TEX10: variants seen among roughly 807,000 people sequenced by gnomAD.
TEX10 encodes testis-expressed protein 10.
In TEX10, 24 loss-of-function variants were observed where a neutral mutation model predicts 104.4. The ratio of observed to expected loss-of-function variants is 0.23; its 90% CI spans 0.17 to 0.32. The LOEUF is 0.32. Ranked by LOEUF, TEX10 falls within the 10% of genes least tolerant of loss-of-function variation. TEX10 has a pLI of 1.00. For missense variants in TEX10, 921 were observed against 1,083.9 expected, an observed-to-expected ratio of 0.85 and a Z score of 2.11; for synonymous variants, 396 against 393.4, an observed-to-expected ratio of 1.01 and a Z score of -0.08.
intron 9 of TEX10, among the ~76,000 whole-genome samples, chr9:100,323,846 G>A (rs562589608): frequency 1.3e-5 from 2 of 152,260 alleles, no homozygotes; most frequent in South Asian, 4.1e-4. Flanking sequence ...GAGTAAAGGA[G>A]TATTGCAGAA....
intron 11 of TEX10, 81 bp downstream of exon 11, chr9:100,320,184 G>T: frequency 7.8e-7 from 1 of 1,284,972 alleles, no homozygotes; most frequent in Non-Finnish European, 1.0e-6. Context: ...TCTCACACAA[G>T]GCAACTCATA....
At chr9:100,322,390 C>G (rs1221415382) in intron 9 of TEX10, among the ~76,000 whole-genome samples, 1 of 152,134 alleles carries the variant, frequency 6.6e-6, no homozygotes, top group Non-Finnish European at 1.5e-5. Flanking sequence ...CCTATGAGAT[C>G]AGTTTCTAGT....
chr9:100,304,454 G>A (rs1834093597), intron 13 of TEX10: 1 of 152,782 alleles, frequency 6.5e-6, no homozygotes, highest in African/African-American at 2.4e-5. Flanking sequence ...TTCAACTAAG[G>A]TGACAAAAAC....
At chr9:100,340,474 T>C in intron 4 of TEX10, 105 bp from the exon 5 acceptor site, 1 of 662,500 alleles carries the variant, frequency 1.5e-6, no homozygotes, top group South Asian at 2.0e-5. Flanking sequence ...CCCATCATAA[T>C]TCACTTTCTA....
In TEX10 at chr9:100,330,185, C is replaced by T; in HGVS notation, c.1251-16G>A. 1 of 1,531,320 alleles carries T rather than the reference C, an allele frequency of 6.5e-7. No homozygotes were observed. Among genetic ancestry groups the T allele is most frequent in the Non-Finnish European group, 9.0e-7 (1 of 1,112,124 alleles). 94.9% of individuals were successfully genotyped at this position (1,531,320 alleles called of 1,614,324 possible). ...ATGCTTGATGCTAGAAACAAAGACA[C>T]ACACATCTATAAAGCATTACGTCTA... On this transcript the variant is annotated splice_polypyrimidine_tract_variant and intron_variant, in intron 5 of 14. Transcript: ENST00000374902.
At chr9:100,352,391 C>T (rs1402535307) in intron 1 of TEX10, 1 of 1,551,636 alleles carries the variant, frequency 6.4e-7, no homozygotes, top group East Asian at 2.4e-5. Context: ...CGTATTCGGT[C>T]CTGCATCCAT....
intron 11 of TEX10, among the ~76,000 whole-genome samples, chr9:100,311,452 A>G (rs1834280161): frequency 6.6e-6 from 1 of 152,190 alleles, no homozygotes; most frequent in African/African-American, 2.4e-5. Context: ...TCTGTTTCCT[A>G]AAGAACCTAC....
intron 8 of TEX10, among the ~76,000 whole-genome samples, chr9:100,327,571 A>G (rs1834739380): frequency 6.6e-6 from 1 of 152,074 alleles, no homozygotes; most frequent in African/African-American, 2.4e-5. Flanking sequence ...AAGACAATTT[A>G]AGAATGCAAT....
intron 11 of TEX10, among the ~76,000 whole-genome samples, chr9:100,318,107 C>T (rs1427745417): frequency 6.6e-6 from 1 of 152,152 alleles, no homozygotes; most frequent in Non-Finnish European, 1.5e-5. Context: ...AGCACTCCCA[C>T]TACCAAGTAT....
intron 11 of TEX10, among the ~76,000 whole-genome samples, chr9:100,313,874 A>G (rs891684399): frequency 6.6e-6 from 1 of 151,518 alleles, no homozygotes; most frequent in African/African-American, 2.4e-5. Flanking sequence ...AGACACACAC[A>G]TAGGAACGTA....
intron 3 of TEX10, 142 bp from the exon 4 acceptor site, chr9:100,346,457 T>C (rs1835301104): frequency 2.6e-6 from 3 of 1,136,184 alleles, no homozygotes; most frequent in South Asian, 1.8e-5. Context: ...GTAAGAAAAA[T>C]GAAATTCTAA....
At chr9:100,313,154 A>C (rs1294295348) in intron 11 of TEX10, among the ~76,000 whole-genome samples, 3 of 152,246 alleles carry the variant, frequency 2.0e-5, no homozygotes, top group Non-Finnish European at 2.9e-5. Context: ...ACTTCATGAA[A>C]AAATGAAATC....
intron 4 of TEX10, among the ~76,000 whole-genome samples, chr9:100,345,308 T>C (rs1835274800): frequency 6.6e-6 from 1 of 152,204 alleles, no homozygotes; most frequent in Non-Finnish European, 1.5e-5. Context: ...AAATACTACT[T>C]AATTTATCCC....
At position 100,349,220 on chromosome 9, in the gene TEX10, T is replaced by C. The variant is rs768279357; in HGVS notation, c.144A>G (p.Gly48=). The C allele has an allele frequency of 4.5e-6, 7 of 1,570,780 alleles. No individual in the cohort carries two copies. Among genetic ancestry groups the C allele is most frequent in the Non-Finnish European group, 4.3e-6 (5 of 1,165,204 alleles). Residue 48 remains glycine, a synonymous_variant, in exon 2 of 15, where the codon GGA becomes GGG. Transcript: ENST00000374902. ...IHLPEQLKED[G]TLPTNNRKLN... is the part of the protein sequence containing the mutation. Reference sequence around the variant, plus strand: ...GTTTTCTATTGTTTGTTGGAAGTGTTCCATCCTCTTTGAGTTGCTCAGGCA... The same window carrying C: ...GTTTTCTATTGTTTGTTGGAAGTGTCCCATCCTCTTTGAGTTGCTCAGGCA...
At position 100,302,223 on chromosome 9, in the gene TEX10, G is replaced by C; in HGVS notation, c.2758C>G (p.Gln920Glu). The C allele has an allele frequency of 6.2e-7, 1 of 1,612,404 alleles. No individual in the cohort carries two copies. The highest frequency in any genetic ancestry group is 8.5e-7 in the Non-Finnish European group (1 of 1,178,906). The change falls in exon 15 of 15, where the codon CAA becomes GAA. Residue 920 changes from glutamine (Q) to glutamate (E), a missense_variant. Coordinates refer to ENST00000374902, the MANE Select transcript of TEX10 (RefSeq NM_017746.4). ...ACTGTAGCCAGTGCACTGGGCCCTT[G>C]GGGATGCCCAGTGATATACACGTTG... ...CFNVYITGHP[Q>E]GPSALATVY is the part of the protein sequence containing the mutation.
Position 100,308,935 on chromosome 9 carries a change from G to C in TEX10, c.2284-254C>G, listed in dbSNP as rs1236464133. Among the ~76,000 whole-genome samples, 77 of 152,138 alleles carry C rather than the reference G, an allele frequency of 5.1e-4. 2 individuals are homozygous for C. The highest frequency in any genetic ancestry group is 2.1e-4 in the South Asian group (1 of 4,828). ...AATCCACTGCCTCCCCTTCATGACA[G>C]AATCTTCTAAATGTTCTATAAAATG... On this transcript the variant is annotated intron_variant, in intron 12 of 14. Coordinates refer to ENST00000374902, the MANE Select transcript of TEX10 (RefSeq NM_017746.4).
intron 4 of TEX10, among the ~76,000 whole-genome samples, chr9:100,340,651 T>G (rs1045208745): frequency 4.6e-5 from 7 of 152,228 alleles, no homozygotes; most frequent in Non-Finnish European, 8.8e-5. Context: ...ATTCTGAATT[T>G]GGACTACTAA....
Position 100,340,338 on chromosome 9 carries a change from T to A in TEX10, c.1169A>T (p.Asp390Val). 1 of 1,567,610 alleles carries A rather than the reference T, an allele frequency of 6.4e-7. No individual in the cohort carries two copies. ...ACGACTCATAAAATGGTGTTTAAAA[T>A]CAATAAGGTAGTTCTTTCGAAGCCA... is the stretch of plus-strand genomic sequence containing the variant. ...ESWLRKNYLIDFKHHFMSRFP... is the reference protein window; with the variant it reads ...ESWLRKNYLIVFKHHFMSRFP... Residue 390 changes from aspartate to valine, a missense_variant, in exon 5 of 15, where the codon GAT (aspartate) becomes GTT (valine). Asp to Val is a radical substitution (Grantham distance 152, BLOSUM62 -3). This residue lies in a region of TEX10 where 753 missense variants were observed against 868.4 expected (regional missense o/e 0.87). Transcript: ENST00000374902.
At chr9:100,344,362 T>G (rs1160257179) in intron 4 of TEX10, among the ~76,000 whole-genome samples, 2 of 152,232 alleles carry the variant, frequency 1.3e-5, no homozygotes, top group Non-Finnish European at 2.9e-5. Context: ...TTTAGATCCT[T>G]TGTTAGTGTT....
Sources: gnomAD v4.1 joint callset for allele counts (sites outside exome capture counted in the v4.1 genomes callset) on GRCh38, gnomAD v4.1.1 for gene constraint, gnomAD v4.1.1 regional missense constraint, MANE v1.5 for transcripts, NCBI Gene and HGNC (gene_info 2026-07-23, HGNC 2026-07-21) for gene names.